TTLL4: variants seen among roughly 807,000 people sequenced by gnomAD.
The protein encoded by TTLL4 is tubulin monoglutamylase TTLL4.
TTLL4 carries 85 observed loss-of-function variants against 122.7 expected under a neutral mutation model. The observed-to-expected ratio is 0.69, with a 90% CI of 0.58 to 0.83. TTLL4 has a LOEUF of 0.83. Among genes scored for constraint, TTLL4 ranks in the 40% least tolerant of loss-of-function variants. The pLI, the probability that TTLL4 is intolerant of heterozygous loss-of-function variation, is 0.00. For missense variants in TTLL4, 1,363 were observed against 1,488.6 expected, an observed-to-expected ratio of 0.92 and a Z score of 1.39; for synonymous variants, 553 against 563.0, an observed-to-expected ratio of 0.98 and a Z score of 0.25.
At chr2:218,735,233 T>G (rs954241054) in intron 2 of TTLL4, among the ~76,000 whole-genome samples, 2 of 152,088 alleles carry the variant, frequency 1.3e-5, no homozygotes, top group African/African-American at 2.4e-5. Flanking sequence ...ACTCTCCCCA[T>G]TTTTGCATTT....
intron 1 of TTLL4, among the ~76,000 whole-genome samples, chr2:218,712,915 G>T (rs913524995): frequency 6.6e-6 from 1 of 152,150 alleles, no homozygotes; most frequent in Non-Finnish European, 1.5e-5. Flanking sequence ...AATCCCATTC[G>T]TGTAAACTGT....
rs144997742 is a variant in TTLL4, at chr2:218,737,933, C to G, written c.257C>G (p.Thr86Ser). The G allele has an allele frequency of 3.1e-6, 5 of 1,614,114 alleles. No homozygotes were observed. The African/African-American group carries it at 6.7e-5, about 22-fold the overall frequency. Residue 86 changes from threonine (T) to serine (S), a missense_variant, in exon 3 of 20, where the codon ACT (threonine) becomes AGT (serine). Transcript: ENST00000392102. ...PQPAYFFCPSTLCSSGTTAVI... is the reference protein window; with the variant it reads ...PQPAYFFCPSSLCSSGTTAVI... ...CCAGCATATTTCTTTTGCCCCAGCA[C>G]TTTATGTAGCTCTGGGACCACGGCT...
intron 2 of TTLL4, among the ~76,000 whole-genome samples, chr2:218,730,392 C>T (rs1221988555): frequency 1.3e-5 from 2 of 149,082 alleles, no homozygotes; most frequent in Non-Finnish European, 3.0e-5. Context: ...CCTGTAGCCC[C>T]AGCTACTCGG....
At chr2:218,726,963 C>T (rs952785136) in intron 1 of TTLL4, among the ~76,000 whole-genome samples, 17 of 152,092 alleles carry the variant, frequency 1.1e-4, no homozygotes, top group Non-Finnish European at 1.9e-4. Flanking sequence ...GTGTGCACCA[C>T]CATGCTGGCT....
chr2:218,738,335 A>G lies in TTLL4; in HGVS notation c.659A>G (p.Asn220Ser). 1 of 1,614,064 alleles carries G rather than the reference A, an allele frequency of 6.2e-7. No homozygotes were observed. The highest frequency in any genetic ancestry group is 8.5e-7 in the Non-Finnish European group (1 of 1,180,012). ...SSSYKPMLNN[N>S]SFMWPNSTPV... is the part of the protein sequence containing the mutation. ...TCCTATAAGCCCATGCTGAATAATA[A>G]TTCCTTCATGTGGCCAAATAGCACG... is the stretch of plus-strand genomic sequence containing the variant. Residue 220 changes from asparagine (N) to serine (S), a missense_variant, in exon 3 of 20, where the codon AAT becomes AGT. Coordinates refer to ENST00000392102, the MANE Select transcript of TTLL4 (RefSeq NM_014640.5).
intron 7 of TTLL4, 127 bp from the exon 8 acceptor site, chr2:218,746,028 G>A: frequency 1.8e-6 from 2 of 1,135,010 alleles, no homozygotes; most frequent in South Asian, 2.5e-5. Context: ...GCCTCATGTA[G>A]GACAGCTCCA....
At chr2:218,758,111 T>G (rs974482199), downstream of TTLL4, among the ~76,000 whole-genome samples, 3 of 152,096 alleles carry the variant, frequency 2.0e-5, no homozygotes, top group Non-Finnish European at 2.9e-5. Flanking sequence ...TTCACCAGCG[T>G]TGGATCAGTG....
At chr2:218,742,362 T>C (rs956353165) in intron 5 of TTLL4, among the ~76,000 whole-genome samples, 1 of 152,220 alleles carries the variant, frequency 6.6e-6, no homozygotes, top group Non-Finnish European at 1.5e-5. Flanking sequence ...TTCTCTATTA[T>C]GAAACATTTG....
At chr2:218,734,593 C>T (rs562894457) in intron 2 of TTLL4, among the ~76,000 whole-genome samples, 105 of 152,294 alleles carry the variant, frequency 6.9e-4, no homozygotes, top group African/African-American at 2.4e-3. Flanking sequence ...GCTCCAGGAA[C>T]AGCACTTGTA....
downstream of TTLL4, among the ~76,000 whole-genome samples, chr2:218,758,128 G>A (rs1344441311): frequency 2.0e-5 from 3 of 152,170 alleles, no homozygotes; most frequent in Non-Finnish European, 4.4e-5. Flanking sequence ...AGTGAAAGTT[G>A]CAAGCAGTCA....
chr2:218,718,303 T>C (rs555392962), intron 1 of TTLL4, among the ~76,000 whole-genome samples: 1 of 152,322 alleles, frequency 6.6e-6, no homozygotes, highest in African/African-American at 2.4e-5. Context: ...TAGAAATAGA[T>C]ACCTTGTCCA....
At chr2:218,746,446 T>G in intron 8 of TTLL4, 1 of 557,584 alleles carries the variant, frequency 1.8e-6, no homozygotes, top group Non-Finnish European at 3.2e-6. Context: ...TGGAGTTTCT[T>G]GCCTATGTAG....
chr2:218,753,515 C>A, intron 18 of TTLL4, 69 bp from the exon 19 acceptor site: 1 of 1,488,530 alleles, frequency 6.7e-7, no homozygotes, highest in Non-Finnish European at 9.3e-7. Context: ...CTGGAGGGTA[C>A]CAAGACCCCA....
chr2:218,732,804 A>G (rs970022235), intron 2 of TTLL4, among the ~76,000 whole-genome samples: 116 of 152,316 alleles, frequency 7.6e-4, no homozygotes, highest in African/African-American at 2.3e-3. Flanking sequence ...TCTGCCTCCC[A>G]ACCATTTGAG....
Position 218,754,526 on chromosome 2 carries a change from C to T in TTLL4, c.*137C>T, listed in dbSNP as rs978158188. On this transcript the variant is annotated 3_prime_UTR_variant, in exon 20 of 20. Coordinates refer to ENST00000392102, the MANE Select transcript of TTLL4 (RefSeq NM_014640.5). ...CTCAGAGTATTTTTTGAAGTGGTTG[C>T]ATTATAGAGATGGGTATTTGTAGGG... 16 of 1,202,344 alleles carry T rather than the reference C, an allele frequency of 1.3e-5. No individual in the cohort carries two copies. In the African/African-American group the frequency reaches 1.5e-4, roughly 12 times the overall value. 74.5% of individuals were successfully genotyped at this position (1,202,344 alleles called of 1,614,324 possible).
At position 218,752,912 on chromosome 2, in the gene TTLL4, A is replaced by G. The variant is rs139732351; in HGVS notation, c.3126A>G (p.Pro1042=). 4 of 1,614,164 alleles carry G rather than the reference A, an allele frequency of 2.5e-6. No homozygotes were observed. Among genetic ancestry groups the G allele is most frequent in the Non-Finnish European group, 2.5e-6 (3 of 1,180,032 alleles). Residue 1042 remains proline (P), a synonymous_variant, in exon 17 of 20, where the codon CCA becomes CCG. Coordinates refer to ENST00000392102, the MANE Select transcript of TTLL4 (RefSeq NM_014640.5). ...GCTATCTCCGCTTTTTTGAGCAGCC[A>G]CGATATTTCAACATTCTCACCACCC... is the stretch of plus-strand genomic sequence containing the variant. ...SSRYLRFFEQ[P]RYFNILTTQW...
intron 2 of TTLL4, among the ~76,000 whole-genome samples, chr2:218,731,830 GC>G (rs1942389729): frequency 6.6e-6 from 1 of 152,224 alleles, no homozygotes; most frequent in South Asian, 2.1e-4. Flanking sequence ...TGCTCATGCA[GC>G]CTGGCTGTGA....
chr2:218,757,310 CA>C (rs1943170677), downstream of TTLL4, among the ~76,000 whole-genome samples: 1 of 152,164 alleles, frequency 6.6e-6, no homozygotes, highest in Non-Finnish European at 1.5e-5. Context: ...ACCTTCACCC[CA>C]GTGCACACAC....
rs562071927 is a variant in TTLL4 at position 218,740,650 on chromosome 2, T to G, written c.1661+66T>G. 2.6e-6 allele frequency: 4 copies of G among 1,560,410 alleles called. No homozygotes were observed. The African/African-American group carries it at 4.1e-5, about 16-fold the overall frequency. ...TTGTCTCTTAAAGATTATAAAGAGATAAACCACTCAAGTCATTAATGGCCT... is the reference window on the plus strand; with the variant it reads ...TTGTCTCTTAAAGATTATAAAGAGAGAAACCACTCAAGTCATTAATGGCCT... On this transcript the variant is annotated intron_variant, in intron 5 of 19. Coordinates refer to ENST00000392102, the MANE Select transcript of TTLL4 (RefSeq NM_014640.5).
Sources: gnomAD v4.1 joint callset for allele counts (sites outside exome capture counted in the v4.1 genomes callset) on GRCh38, gnomAD v4.1.1 for gene constraint, MANE v1.5 for transcripts, NCBI Gene and HGNC (gene_info 2026-07-23, HGNC 2026-07-21) for gene names.